Variants in DNMT3B observed in about 807,000 individuals in gnomAD.
DNMT3B encodes the protein DNA methyltransferase 3 beta, also known as DNA (cytosine-5)-methyltransferase 3B.
A neutral mutation model predicts 120.2 loss-of-function variants in DNMT3B; 37 were observed. That is an observed-to-expected ratio of 0.31 (90% CI 0.24 to 0.40). DNMT3B has a LOEUF of 0.40. DNMT3B is among the 10% of genes least tolerant of loss of function. The pLI is 1.00. For missense variants in DNMT3B, 878 were observed against 1,137.3 expected (o/e 0.77, Z 3.28); for synonymous variants, 412 against 442.8 (o/e 0.93, Z 0.87).
Position 32,807,742 on chromosome 20 carries a change from T to A in DNMT3B, c.2421-20T>A. On this transcript the variant is annotated intron_variant, in intron 22 of 22. Transcript: ENST00000328111. ...TGGAGGCACTTCTGACTTGCTGTCT[T>A]TTCACTCCGGTACCCCCAGGATCTT... 6.2e-7 allele frequency: 1 copy of A among 1,613,774 alleles called. No homozygotes were observed. The highest frequency in any genetic ancestry group is 1.1e-5 in the South Asian group (1 of 91,076).
At position 32,787,387 on chromosome 20, in the gene DNMT3B, A is replaced by T. The variant is rs1979449989; in HGVS notation, c.590A>T (p.Gln197Leu). The T allele has an allele frequency of 6.2e-7, 1 of 1,614,070 alleles. No homozygotes were observed. The highest frequency in any genetic ancestry group is 1.1e-5 in the South Asian group (1 of 91,092). The change falls in exon 6 of 23, where the codon CAG becomes CTG. Residue 197 changes from glutamine to leucine, a missense_variant. Transcript: ENST00000328111. ...GCCCGCCTAGCCCAGGACAGCCAGCAGGGGGGCATGGAGTCCCCGCAGGTG... is the reference window on the plus strand; with the variant it reads ...GCCCGCCTAGCCCAGGACAGCCAGCTGGGGGGCATGGAGTCCCCGCAGGTG... ...PYARLAQDSQ[Q>L]GGMESPQVEA...
intron 7 of DNMT3B, among the ~76,000 whole-genome samples, chr20:32,790,249 G>A (rs919029813): frequency 2.0e-5 from 3 of 152,382 alleles, no homozygotes; most frequent in African/African-American, 7.2e-5. Context: ...CTGGGCCCAT[G>A]CTGGCAGTGA....
At chr20:32,789,369 C>T (rs565594761) in intron 7 of DNMT3B, among the ~76,000 whole-genome samples, 4 of 152,270 alleles carry the variant, frequency 2.6e-5, no homozygotes, top group South Asian at 2.1e-4. Flanking sequence ...GAAGCATGGC[C>T]GCGGCCTCTT....
chr20:32,784,562 C>T (rs1000386763), intron 3 of DNMT3B, among the ~76,000 whole-genome samples, 196 bp from the exon 4 acceptor site: 1 of 152,144 alleles, frequency 6.6e-6, no homozygotes, highest in Non-Finnish European at 1.5e-5. Flanking sequence ...TGACATGGTG[C>T]AGGTTTCATG....
At chr20:32,776,091 T>C (rs1412309529) in intron 1 of DNMT3B, among the ~76,000 whole-genome samples, 1 of 152,068 alleles carries the variant, frequency 6.6e-6, no homozygotes, top group African/African-American at 2.4e-5. Flanking sequence ...TAGCCAGGCA[T>C]GGTGGTGCAA....
intron 4 of DNMT3B, 115 bp from the exon 5 acceptor site, chr20:32,786,386 TC>T (rs1979284654): frequency 2.8e-6 from 4 of 1,441,958 alleles, no homozygotes; most frequent in Middle Eastern, 1.8e-4. Context: ...CTTCCAGTTG[TC>T]CTGAAGCTGG....
intron 1 of DNMT3B, among the ~76,000 whole-genome samples, chr20:32,777,980 A>G (rs1348545230): frequency 1.3e-5 from 2 of 152,192 alleles, no homozygotes; most frequent in East Asian, 3.9e-4. Context: ...AATCTGAACA[A>G]TGCTGCTTTA....
At chr20:32,773,933 G>GTT (rs1337412734) in intron 1 of DNMT3B, among the ~76,000 whole-genome samples, 2 of 47,222 alleles carry the variant, frequency 4.2e-5, no homozygotes, top group Non-Finnish European at 7.0e-5. Flanking sequence ...GCCCGGCAGT[G>GTT]GTTTTTTTTT....
In DNMT3B at chr20:32,792,762, C is replaced by A. The variant is rs763492333; in HGVS notation, c.1058C>A (p.Thr353Lys). 2 of 1,614,130 alleles carry A rather than the reference C, an allele frequency of 1.2e-6. No individual in the cohort carries two copies. Among genetic ancestry groups the A allele is most frequent in the East Asian group, 2.2e-5 (1 of 44,882 alleles). The change falls in exon 9 of 23, where the codon ACG becomes AAG. Residue 353 changes from threonine (T) to lysine (K), a missense_variant. Physicochemically the swap from Thr to Lys is moderately conservative, Grantham distance 78 (BLOSUM62 -1). Around this residue, in one of 4 missense-constraint regions of DNMT3B, gnomAD observed 207 missense variants for 222.6 expected, o/e 0.93. Coordinates refer to ENST00000328111, the MANE Select transcript of DNMT3B (RefSeq NM_006892.4). ...TGIEGLKPNN[T>K]QPVVNKSKVR... Reference sequence around the variant, plus strand: ...ATCGAGGGCCTCAAACCCAACAACACGCAACCAGGTGGGAATGAGTCCCCA... The same window carrying A: ...ATCGAGGGCCTCAAACCCAACAACAAGCAACCAGGTGGGAATGAGTCCCCA...
chr20:32,783,348 A>G (rs1407793288), intron 3 of DNMT3B, among the ~76,000 whole-genome samples: 2 of 152,328 alleles, frequency 1.3e-5, no homozygotes, highest in East Asian at 3.9e-4. Flanking sequence ...AAACAATTAT[A>G]TCTTCTAAGA....
chr20:32,781,440 A>G, intron 3 of DNMT3B, 26 bp downstream of exon 3: 3 of 1,613,676 alleles, frequency 1.9e-6, no homozygotes, highest in Non-Finnish European at 2.5e-6. Flanking sequence ...TCCCTTTTTC[A>G]GGGCTCAGGG....
At chr20:32,774,071 C>T (rs1032396690) in intron 1 of DNMT3B, among the ~76,000 whole-genome samples, 8 of 151,496 alleles carry the variant, frequency 5.3e-5, no homozygotes, top group East Asian at 1.9e-4. Context: ...CTGCTGCCGC[C>T]GCCAGTGTGG....
At chr20:32,792,592 AC>A (rs748074327) in intron 8 of DNMT3B, 33 bp from the exon 9 acceptor site, 16 of 1,611,996 alleles carry the variant, frequency 9.9e-6, no homozygotes, top group African/African-American at 5.4e-5. Context: ...CCTCCTCCCC[AC>A]CCCCCCATTC....
intron 10 of DNMT3B, among the ~76,000 whole-genome samples, chr20:32,793,820 C>T (rs559950226): frequency 1.3e-5 from 2 of 152,136 alleles, no homozygotes; most frequent in Non-Finnish European, 2.9e-5. Flanking sequence ...TTCCTGCTTT[C>T]CCCTTTATTA....
intron 15 of DNMT3B, 149 bp from the exon 16 acceptor site, chr20:32,799,095 C>T: frequency 2.4e-6 from 2 of 833,812 alleles, no homozygotes; most frequent in Non-Finnish European, 4.0e-6. Flanking sequence ...ACACTTGTCT[C>T]CCCAATCCCC....
At chr20:32,773,215 T>C (rs1987850834) in intron 1 of DNMT3B, among the ~76,000 whole-genome samples, 1 of 151,984 alleles carries the variant, frequency 6.6e-6, no homozygotes. Flanking sequence ...CAAGCGATTC[T>C]CCTGCCTCAG....
At chr20:32,788,224 C>T (rs1191112932) in intron 6 of DNMT3B, among the ~76,000 whole-genome samples, 1 of 152,166 alleles carries the variant, frequency 6.6e-6, no homozygotes, top group Non-Finnish European at 1.5e-5. Flanking sequence ...TATTGTGATT[C>T]TGTTCATCAG....
Position 32,808,187 on chromosome 20 carries a change from G to A in DNMT3B, c.*284G>A, listed in dbSNP as rs1277287354. The A allele has an allele frequency of 6.3e-6, 3 of 477,068 alleles. No individual in the cohort carries two copies. The highest frequency in any genetic ancestry group is 2.4e-5 in the South Asian group (1 of 42,080). The allele number at this position is 477,068 out of a possible 1,614,324, so 29.6% of individuals were successfully genotyped here. A position where few individuals can be genotyped will look rare whatever the true frequency, so the allele number is the denominator to read the frequency against. On this transcript the variant is annotated 3_prime_UTR_variant, in exon 23 of 23. Coordinates refer to ENST00000328111, the MANE Select transcript of DNMT3B (RefSeq NM_006892.4). Reference sequence around the variant, plus strand: ...TTTAAAACTTGAAGTAGGTAGCAACGTGGCTTTTTTTTTTTCCCTTCCTGG... The same window carrying A: ...TTTAAAACTTGAAGTAGGTAGCAACATGGCTTTTTTTTTTTCCCTTCCTGG...
In DNMT3B at chr20:32,796,837, C is replaced by G. The variant is rs757117952; in HGVS notation, c.1345C>G (p.Leu449Val). The change falls in exon 13 of 23, where the codon CTC becomes GTC. Residue 449 changes from leucine to valine, a missense_variant. Physicochemically the swap from Leu to Val is conservative, Grantham distance 32. Around this residue, in one of 4 missense-constraint regions of DNMT3B, gnomAD observed 207 missense variants for 222.6 expected, o/e 0.93. Transcript: ENST00000328111. ...GAAAAACCCCGTGTCCTTCCACCCT[C>G]TCTTTGAGGGGGGGCTCTGTCAGAC... ...GRKNPVSFHPLFEGGLCQTCR... is the reference protein window; with the variant it reads ...GRKNPVSFHPVFEGGLCQTCR... 1.2e-6 allele frequency: 2 copies of G among 1,614,226 alleles called. No homozygotes were observed. The highest frequency in any genetic ancestry group is 1.7e-6 in the Non-Finnish European group (2 of 1,180,040).
Sources: gnomAD v4.1 joint callset for allele counts (sites outside exome capture counted in the v4.1 genomes callset) on GRCh38, gnomAD v4.1.1 for gene constraint, gnomAD v4.1.1 regional missense constraint, MANE v1.5 for transcripts, NCBI Gene and HGNC (gene_info 2026-07-23, HGNC 2026-07-21) for gene names.